The following CNBD1 variants were observed in gnomAD, a reference collection of about 807,000 sequenced individuals.
CNBD1 encodes the protein cyclic nucleotide binding domain containing 1.
In CNBD1, 71 loss-of-function variants were observed where a neutral mutation model predicts 54.4. The ratio of observed to expected loss-of-function variants is 1.30; its 90% confidence interval spans 1.08 to 1.59. The LOEUF (loss-of-function observed/expected upper bound fraction) is 1.59. Ranked by LOEUF, CNBD1 falls within the 40% of genes most tolerant of loss-of-function variation. CNBD1 has a pLI of 0.00. For missense variants in CNBD1, 659 were observed against 518.0 expected (o/e 1.27, Z -2.64); for synonymous variants, 182 against 170.7 (o/e 1.07, Z -0.51).
chr8:87,201,585 T>C (rs956720291), intron 4 of CNBD1, among the ~76,000 whole-genome samples: 1 of 151,536 alleles, frequency 6.6e-6, no homozygotes, highest in Non-Finnish European at 1.5e-5. Context: ...CAATGAAAAA[T>C]CCAAAAATGA....
At position 87,092,325 on chromosome 8, in the gene CNBD1, G is replaced by A. The variant is rs17623855; in HGVS notation, c.432-113668G>A. The stretch of plus-strand genomic sequence containing the variant: ...ACAATAGGACTTTGATGAACCCAGG[G>A]ATTCCATAATACTGGCTCAGTGTGT... On this transcript the variant is annotated intron_variant, in intron 4 of 10. Transcript: ENST00000518476. Among the ~76,000 whole-genome samples, 1,267 of 151,400 alleles carry A rather than the reference G, an allele frequency of 8.4e-3. 9 individuals carry two copies. The highest frequency in any genetic ancestry group is 0.011 in the Non-Finnish European group (732 of 67,750).
chr8:87,103,173 C>T (rs1195405690), intron 4 of CNBD1, among the ~76,000 whole-genome samples: 1 of 152,090 alleles, frequency 6.6e-6, no homozygotes, highest in African/African-American at 2.4e-5. Context: ...CAGATGGTAA[C>T]TGCCACCAGC....
At chr8:87,351,906 C>T in intron 9 of CNBD1, 112 bp downstream of exon 9, 1 of 1,141,642 alleles carries the variant, frequency 8.8e-7, no homozygotes, top group Non-Finnish European at 1.1e-6. Flanking sequence ...TGTGAAATTT[C>T]TATTCAATTT....
chr8:87,214,830 G>A (rs1393963004), intron 5 of CNBD1, among the ~76,000 whole-genome samples: 1 of 152,056 alleles, frequency 6.6e-6, no homozygotes, highest in Admixed American at 6.5e-5. Flanking sequence ...TTACTGCCAT[G>A]AGAACAGTAT....
At chr8:86,979,867 C>A (rs1020129572) in intron 4 of CNBD1, among the ~76,000 whole-genome samples, 1 of 152,054 alleles carries the variant, frequency 6.6e-6, no homozygotes, top group Admixed American at 6.6e-5. Flanking sequence ...GATATAAGAG[C>A]AATATGATAA....
chr8:87,239,630 G>A (rs1286692510), intron 6 of CNBD1, among the ~76,000 whole-genome samples: 1 of 151,940 alleles, frequency 6.6e-6, no homozygotes, highest in Non-Finnish European at 1.5e-5. Flanking sequence ...TAAACTAATG[G>A]GCATCATTTG....
rs140244564 is a variant in CNBD1 at position 87,254,262 on chromosome 8, T to C, written c.771+17150T>C. 2.4e-3 allele frequency among the ~76,000 whole-genome samples: 362 copies of C among 152,080 alleles called. 2 individuals carry two copies. Among genetic ancestry groups the C allele is most frequent in the African/African-American group, 7.4e-3 (307 of 41,508 alleles). On this transcript the variant is annotated intron_variant, in intron 6 of 10. Coordinates refer to ENST00000518476, the MANE Select transcript of CNBD1 (RefSeq NM_173538.3). ...AAGCCTGAGAATAAAAAGAAGGCAG[T>C]AAGAGGAACTGAGAAAAAAATTCCA...
intron 1 of CNBD1, among the ~76,000 whole-genome samples, chr8:86,881,131 C>T (rs898462608): frequency 1.4e-4 from 21 of 152,274 alleles, no homozygotes; most frequent in Admixed American, 3.9e-4. Context: ...CAAGGATGCC[C>T]TCTCTCACCA....
chr8:87,317,819 A>T (rs1035235145), intron 8 of CNBD1, among the ~76,000 whole-genome samples: 2 of 151,994 alleles, frequency 1.3e-5, no homozygotes, highest in Non-Finnish European at 1.5e-5. Context: ...TACACTCTAA[A>T]TACATAAGAT....
At chr8:87,389,090 G>T (rs1306375679) in intron 2 of CNBD1, among the ~76,000 whole-genome samples, 1 of 152,118 alleles carries the variant, frequency 6.6e-6, no homozygotes, top group Non-Finnish European at 1.5e-5. Context: ...AGGTATTGAT[G>T]GGACATATCT....
At chr8:87,037,868 CATTCAAAATTGT>C (rs1052284770) in intron 4 of CNBD1, among the ~76,000 whole-genome samples, 1 of 152,214 alleles carries the variant, frequency 6.6e-6, no homozygotes, top group Admixed American at 6.5e-5. Context: ...ATAAAATGTT[CATTCAAAATTGT>C]GCTTTCAGGC....
At chr8:87,362,262 T>A (rs28366510) in intron 10 of CNBD1, among the ~76,000 whole-genome samples, 1 of 152,062 alleles carries the variant, frequency 6.6e-6, no homozygotes, top group Non-Finnish European at 1.5e-5. Flanking sequence ...ACAGTCTCCC[T>A]CTTTCAGTCA....
At chr8:87,207,252 AT>A (rs1813995990) in intron 5 of CNBD1, among the ~76,000 whole-genome samples, 1 of 152,198 alleles carries the variant, frequency 6.6e-6, no homozygotes, top group Admixed American at 6.5e-5. Flanking sequence ...ACAGTAAAAA[AT>A]ATGGGAACAA....
intron 4 of CNBD1, among the ~76,000 whole-genome samples, chr8:86,989,241 C>T (rs1237145396): frequency 6.6e-6 from 1 of 152,042 alleles, no homozygotes; most frequent in African/African-American, 2.4e-5. Flanking sequence ...CTGCAGTGAG[C>T]TGCGATCATG....
intron 10 of CNBD1, among the ~76,000 whole-genome samples, chr8:87,362,975 G>C (rs1157226215): frequency 1.3e-5 from 2 of 151,806 alleles, no homozygotes; most frequent in Non-Finnish European, 1.5e-5. Flanking sequence ...ATCTATATTA[G>C]GTATTTCTCC....
At chr8:86,967,374 GTCTGC>G (rs1341244171) in intron 4 of CNBD1, among the ~76,000 whole-genome samples, 6 of 152,240 alleles carry the variant, frequency 3.9e-5, no homozygotes, top group Non-Finnish European at 8.8e-5. Flanking sequence ...CCAGGCTCCT[GTCTGC>G]TCTGTAAAGC....
intron 4 of CNBD1, among the ~76,000 whole-genome samples, chr8:87,034,237 T>C (rs1242730307): frequency 6.6e-6 from 1 of 152,258 alleles, no homozygotes; most frequent in Non-Finnish European, 1.5e-5. Flanking sequence ...TTTTCTCTGC[T>C]TCTTGGGAGT....
chr8:87,070,818 C>T (rs1810745813), intron 4 of CNBD1, among the ~76,000 whole-genome samples: 1 of 152,014 alleles, frequency 6.6e-6, no homozygotes, highest in South Asian at 2.1e-4. Flanking sequence ...CCCTAGGCAC[C>T]AGCAGTAAAT....
chr8:87,328,718 A>C (rs1238000077), intron 8 of CNBD1, among the ~76,000 whole-genome samples: 1 of 152,168 alleles, frequency 6.6e-6, no homozygotes. Flanking sequence ...TAACAAGACT[A>C]AGTCTTCTAC....
Sources: allele counts gnomAD v4.1 joint callset (sites outside exome capture counted in the v4.1 genomes callset), GRCh38; gene constraint gnomAD v4.1.1; transcripts MANE v1.5; gene names NCBI Gene and HGNC (gene_info 2026-07-23, HGNC 2026-07-21).